The following CACNA1B variants were observed in gnomAD, a reference collection of about 807,000 sequenced individuals.
CACNA1B encodes the protein calcium voltage-gated channel subunit alpha1 B.
In CACNA1B, 70 loss-of-function variants were observed where a neutral mutation model predicts 247.2. That is an observed-to-expected ratio of 0.28 (90% confidence interval 0.23 to 0.35). CACNA1B has a LOEUF of 0.35. Ranked by LOEUF, CACNA1B falls within the 10% of genes least tolerant of loss-of-function variation. The pLI is 1.00. For missense variants in CACNA1B, 2,367 were observed against 3,197.4 expected (o/e 0.74, Z 6.26); for synonymous variants, 1,231 against 1,294.4 (o/e 0.95, Z 1.05).
chr9:138,073,881 G>A lies in CACNA1B; in HGVS notation c.4792-120G>A, dbSNP rs1159236667. Reference sequence around the variant, plus strand: ...ACTTGGTGGAGGGGCTTGGTGGCCAGTGGGATGGAGCTTGAGTAGGCTGAG... The same window carrying A: ...ACTTGGTGGAGGGGCTTGGTGGCCAATGGGATGGAGCTTGAGTAGGCTGAG... On this transcript the variant is annotated intron_variant, in intron 33 of 46. Transcript: ENST00000371372. The surrounding 1 kb of genome is among the most constrained non-coding windows in gnomAD (Gnocchi z 6.4). 7.6e-6 allele frequency: 6 copies of A among 784,722 alleles called. No homozygotes were observed. The highest frequency in any genetic ancestry group is 3.9e-5 in the Admixed American group (2 of 51,432). 48.6% of individuals were successfully genotyped at this position (784,722 alleles called of 1,614,324 possible).
chr9:137,978,618 C>G (rs1036281596), intron 12 of CACNA1B, among the ~76,000 whole-genome samples: 6 of 152,196 alleles, frequency 3.9e-5, no homozygotes, highest in Admixed American at 2.6e-4. Context: ...GGGCCTGGAC[C>G]GTGGTAGTAA....
chr9:137,993,582 A>C (rs1327945707), intron 15 of CACNA1B, among the ~76,000 whole-genome samples: 1 of 152,242 alleles, frequency 6.6e-6, no homozygotes. Context: ...TTATGCACAT[A>C]AACTAGAAAA....
At chr9:138,113,226 TCGGGGAGGTGCCCAACTCCA>T (rs773304389) in intron 40 of CACNA1B, among the ~76,000 whole-genome samples, 62 of 133,600 alleles carry the variant, frequency 4.6e-4, no homozygotes, top group Non-Finnish European at 7.7e-4. Flanking sequence ...ATGAGGGAGT[TCGGGGAGGTGCCCAACTCCA>T]CTGGGAGGTG....
rs1961280016 is a variant in CACNA1B, at chr9:138,102,386, C to G, written c.5223-325C>G. Among the ~76,000 whole-genome samples, 1 of 152,044 alleles carries G rather than the reference C, an allele frequency of 6.6e-6. No homozygotes were observed. The highest frequency in any genetic ancestry group is 2.1e-4 in the South Asian group (1 of 4,816). ...AGAGTAAAATCAGAAATTATCAACC[C>G]AAAGCCGCCCCGATGCAGCCCTTCC... On this transcript the variant is annotated intron_variant, in intron 37 of 46. Transcript: ENST00000371372. The surrounding 1 kb of genome is among the most constrained non-coding windows in gnomAD (Gnocchi z 5.4).
At chr9:137,956,689 C>T in intron 8 of CACNA1B, 82 bp from the exon 9 acceptor site, 1 of 1,184,424 alleles carries the variant, frequency 8.4e-7, no homozygotes, top group Non-Finnish European at 1.2e-6. Flanking sequence ...AAGGCAGGGC[C>T]TTCCAGACAG....
chr9:138,088,936 A>G (rs12685252), intron 36 of CACNA1B, among the ~76,000 whole-genome samples: 23,293 of 138,676 alleles, frequency 0.17, 2,190 homozygotes, highest in East Asian at 0.33. Context: ...TCCAGCCTGG[A>G]CAACAAGAGC....
rs544984774 is a variant in CACNA1B at position 138,087,565 on chromosome 9, A to C, written c.5095-8919A>C. On this transcript the variant is annotated intron_variant, in intron 36 of 46. Coordinates refer to ENST00000371372, the MANE Select transcript of CACNA1B (RefSeq NM_000718.4). ...CCCCGTCTCTACTAAAAATACAAAAATTAGCCGTGTGTGGTAGCACGCGCC... is the reference window on the plus strand; with the variant it reads ...CCCCGTCTCTACTAAAAATACAAAACTTAGCCGTGTGTGGTAGCACGCGCC... Among the ~76,000 whole-genome samples the C allele has an allele frequency of 3.7e-4, 56 of 150,896 alleles. 2 individuals carry two copies. Among genetic ancestry groups the C allele is most frequent in the Admixed American group, 2.6e-3 (39 of 15,194 alleles).
At chr9:138,070,073 G>T (rs1458403698) in intron 32 of CACNA1B, among the ~76,000 whole-genome samples, 1 of 152,198 alleles carries the variant, frequency 6.6e-6, no homozygotes, top group Non-Finnish European at 1.5e-5. Context: ...AGTTTTTCCT[G>T]TTGGGACTGG....
chr9:138,066,748 CAG>C (rs1959932292), intron 31 of CACNA1B, among the ~76,000 whole-genome samples: 1 of 151,912 alleles, frequency 6.6e-6, no homozygotes, highest in Non-Finnish European at 1.5e-5. Flanking sequence ...AAGCAGTACT[CAG>C]AAAGAAATTT....
chr9:138,044,407 A>G (rs1179775041), intron 21 of CACNA1B, among the ~76,000 whole-genome samples: 1 of 152,276 alleles, frequency 6.6e-6, no homozygotes, highest in Non-Finnish European at 1.5e-5. Context: ...GGAATGAACA[A>G]AACAGGTGAG....
chr9:138,118,686 G>A lies in CACNA1B; in HGVS notation c.5948G>A (p.Arg1983Lys), dbSNP rs1006486626. 13 of 1,566,414 alleles carry A rather than the reference G, an allele frequency of 8.3e-6. No homozygotes were observed. Among genetic ancestry groups the A allele is most frequent in the African/African-American group, 1.4e-5 (1 of 73,656 alleles). ...VDVQMQSITR[R>K]GPDGEPQPGL... ...GTTCAGATGCAGAGCATAACCCGGA[G>A]GGGCCCTGATGGGGAGCCCCAGCCT... is the stretch of plus-strand genomic sequence containing the variant. Residue 1983 changes from arginine to lysine, a missense_variant, in exon 44 of 47, where the codon AGG becomes AAG. Arg to Lys is a conservative substitution (Grantham distance 26). Coordinates refer to ENST00000371372, the MANE Select transcript of CACNA1B (RefSeq NM_000718.4).
chr9:138,039,154 C>T (rs2133462285), intron 20 of CACNA1B, among the ~76,000 whole-genome samples: 1 of 151,902 alleles, frequency 6.6e-6, no homozygotes, highest in African/African-American at 2.4e-5. Context: ...CAAGATCTCG[C>T]CACTGCACTC....
Position 137,988,302 on chromosome 9 carries a change from G to A in CACNA1B, c.1974+1448G>A, listed in dbSNP as rs1250708880. 4.6e-5 allele frequency among the ~76,000 whole-genome samples: 7 copies of A among 152,320 alleles called. No homozygotes were observed. In the South Asian group the frequency reaches 6.2e-4, roughly 14 times the overall value. On this transcript the variant is annotated intron_variant, in intron 15 of 46. Coordinates refer to ENST00000371372, the MANE Select transcript of CACNA1B (RefSeq NM_000718.4). ...AAACGTGAGGAGTGTCTGGGGTGGC[G>A]ACAAGGTGGCAGGTGTGGGATGGGA...
intron 6 of CACNA1B, among the ~76,000 whole-genome samples, chr9:137,945,761 A>G (rs894119448): frequency 6.6e-6 from 1 of 152,198 alleles, no homozygotes; most frequent in Non-Finnish European, 1.5e-5. Flanking sequence ...AATCTTTTTC[A>G]CGACTTACCC....
intron 6 of CACNA1B, among the ~76,000 whole-genome samples, chr9:137,933,379 C>G (rs1302950983): frequency 2.0e-5 from 3 of 152,082 alleles, no homozygotes; most frequent in Non-Finnish European, 4.4e-5. Flanking sequence ...GTTCCAAGGA[C>G]CGGACCAGAA....
At chr9:138,106,553 A>C (rs879369998) in intron 39 of CACNA1B, among the ~76,000 whole-genome samples, 1 of 152,140 alleles carries the variant, frequency 6.6e-6, no homozygotes, top group Non-Finnish European at 1.5e-5. Context: ...GCGGATCACG[A>C]GGTCAGGAGA....
At position 138,121,012 on chromosome 9, in the gene CACNA1B, G is replaced by A; in HGVS notation, c.6489+131G>A. ...GTCATTCCCAGCAACCCAAGGGCCG[G>A]GCGCTCCCCTCTGTGCCCTGTCCCG... On this transcript the variant is annotated intron_variant, in intron 46 of 46. Coordinates refer to ENST00000371372, the MANE Select transcript of CACNA1B (RefSeq NM_000718.4). This position sits in a 1 kb window ranked among gnomAD's most constrained non-coding sequence, Gnocchi z 6.8. The A allele has an allele frequency of 9.1e-7, 1 of 1,092,916 alleles. No individual in the cohort carries two copies. The highest frequency in any genetic ancestry group is 1.5e-5 in the South Asian group (1 of 65,336). 67.7% of individuals were successfully genotyped at this position (1,092,916 alleles called of 1,614,324 possible).
In CACNA1B at chr9:138,024,976, G is replaced by A. The variant is rs745470069; in HGVS notation, c.3090G>A (p.Glu1030=). ...HQPREPHCDL[E]TSGTVTVGPM... is the part of the protein sequence containing the mutation. ...GCAGGGAGCCACACTGTGACCTGGA[G>A]ACCAGTGGGACTGTGACTGTGGGTC... is the stretch of plus-strand genomic sequence containing the variant. The change falls in exon 20 of 47, where the codon GAG becomes GAA. Residue 1030 remains glutamate (E), a synonymous_variant. Transcript: ENST00000371372. 2 of 1,583,980 alleles carry A rather than the reference G, an allele frequency of 1.3e-6. No individual in the cohort carries two copies. The highest frequency in any genetic ancestry group is 1.2e-5 in the South Asian group (1 of 86,616).
intron 8 of CACNA1B, among the ~76,000 whole-genome samples, chr9:137,956,317 G>A (rs562486087): frequency 6.6e-6 from 1 of 152,312 alleles, no homozygotes. Flanking sequence ...GTCTGTCCCT[G>A]TAGAAAAAGC....
Sources: allele counts gnomAD v4.1 joint callset (sites outside exome capture counted in the v4.1 genomes callset), GRCh38; gene constraint gnomAD v4.1.1; non-coding constraint Gnocchi (gnomAD v3.1); transcripts MANE v1.5; gene names NCBI Gene and HGNC (gene_info 2026-07-23, HGNC 2026-07-21).